TRIM54: variants seen among roughly 807,000 people sequenced by gnomAD.
TRIM54 encodes tripartite motif containing 54.
In TRIM54, 40 loss-of-function variants were observed where a neutral mutation model predicts 42.0. The observed-to-expected ratio is 0.95, with a 90% CI of 0.74 to 1.24. The LOEUF is 1.24. Among genes scored for constraint, TRIM54 ranks in the 50% most tolerant of loss-of-function variants. The pLI, the probability that TRIM54 is intolerant of heterozygous loss-of-function variation, is 0.00. For synonymous variants in TRIM54, 199 were observed against 194.9 expected (o/e 1.02, Z -0.17); for missense variants, 485 against 480.3 (o/e 1.01, Z -0.09).
At position 27,306,246 on chromosome 2, in the gene TRIM54, G is replaced by C; in HGVS notation, c.900G>C (p.Gly300=). Residue 300 remains glycine (G), a synonymous_variant, in exon 7 of 9, where the codon GGG becomes GGC. Coordinates refer to ENST00000380075, the MANE Select transcript of TRIM54 (RefSeq NM_187841.3). This position sits in a 1 kb window ranked among gnomAD's most constrained non-coding sequence, Gnocchi z 6.1. The part of the protein sequence containing the change: ...VGAMSKVELA[G]RPEPGYESME... Reference sequence around the variant, plus strand: ...CCATGTCGAAGGTGGAGCTGGCAGGGCGGCCGGAGCCAGGCTATGAGAGCA... The same window carrying C: ...CCATGTCGAAGGTGGAGCTGGCAGGCCGGCCGGAGCCAGGCTATGAGAGCA... 6.2e-7 allele frequency: 1 copy of C among 1,614,108 alleles called. No individual in the cohort carries two copies. Among genetic ancestry groups the C allele is most frequent in the Admixed American group, 1.7e-5 (1 of 60,026 alleles).
chr2:27,293,023 T>A (rs1678760822), intron 1 of TRIM54, among the ~76,000 whole-genome samples: 1 of 152,244 alleles, frequency 6.6e-6, no homozygotes, highest in African/African-American at 2.4e-5. Context: ...CCAGTTTTGA[T>A]CACTTATATC....
intron 1 of TRIM54, among the ~76,000 whole-genome samples, chr2:27,295,523 G>A (rs555409231): frequency 8.5e-5 from 13 of 152,220 alleles, no homozygotes; most frequent in South Asian, 4.2e-4. Context: ...GGCCAGGCTG[G>A]TCTCGAACTC....
Position 27,306,203 on chromosome 2 carries a change from G to A in TRIM54, c.867-10G>A, listed in dbSNP as rs747294348. The A allele has an allele frequency of 9.9e-6, 16 of 1,613,898 alleles. No homozygotes were observed. Among genetic ancestry groups the A allele is most frequent in the Admixed American group, 1.7e-5 (1 of 60,002 alleles). ...GGGCATTGCCAGCTGAGTCCGTGTG[G>A]CCACTGCAGGGTCGGGGCCATGTCG... is the stretch of plus-strand genomic sequence containing the variant. On this transcript the variant is annotated splice_polypyrimidine_tract_variant and intron_variant, in intron 6 of 8. Transcript: ENST00000380075. This position sits in a 1 kb window ranked among gnomAD's most constrained non-coding sequence, Gnocchi z 6.1.
Position 27,306,485 on chromosome 2 carries a change from C to G in TRIM54, c.1021C>G (p.Pro341Ala), listed in dbSNP as rs1164380528. The G allele has an allele frequency of 3.2e-6, 5 of 1,587,090 alleles. No individual in the cohort carries two copies. The Admixed American group carries it at 9.0e-5, about 29-fold the overall frequency. ...TTCCGGGGAGGAAGAGGAGGTGGCC[C>G]CAGACGGAGAGGAGGGCAGCGCGGG... Reference protein sequence around the residue: ...GASGEEEEVAPDGEEGSAGPE... With the variant: ...GASGEEEEVAADGEEGSAGPE... Residue 341 changes from proline (P) to alanine (A), a missense_variant, in exon 8 of 9, where the codon CCA becomes GCA. Transcript: ENST00000380075. This position sits in a 1 kb window ranked among gnomAD's most constrained non-coding sequence, Gnocchi z 6.1.
chr2:27,304,924 T>A (rs752560989), intron 3 of TRIM54, 35 bp from the exon 4 acceptor site: 1 of 1,600,770 alleles, frequency 6.2e-7, no homozygotes, highest in African/African-American at 1.3e-5. Flanking sequence ...CTAGGCCAGG[T>A]CCCAGCTCTG....
intron 2 of TRIM54, 30 bp from the exon 3 acceptor site, chr2:27,299,215 G>A (rs761270178): frequency 1.2e-6 from 2 of 1,611,142 alleles, no homozygotes; most frequent in East Asian, 2.2e-5. Context: ...CATGCTTAAG[G>A]TCCACCTCCC....
chr2:27,282,866 C>G lies in TRIM54; in HGVS notation c.135C>G (p.Asn45Lys), dbSNP rs763181767. The change falls in exon 1 of 9, where the codon AAC becomes AAG. Residue 45 changes from asparagine (N) to lysine (K), a missense_variant. By Grantham distance (94) the Asn-to-Lys change is moderately conservative. Transcript: ENST00000380075. ...TGGTGATCCTGCCCTGCCAACACAA[C>G]CTGTGCCGCAAATGTGCCAACGACG... ...KPVVILPCQH[N>K]LCRKCANDVF... 2 of 1,613,678 alleles carry G rather than the reference C, an allele frequency of 1.2e-6. No homozygotes were observed. Among genetic ancestry groups the G allele is most frequent in the South Asian group, 2.2e-5 (2 of 91,000 alleles).
At chr2:27,299,458 C>T (rs1678966448) in intron 3 of TRIM54, 42 bp downstream of exon 3, 2 of 1,602,000 alleles carry the variant, frequency 1.2e-6, no homozygotes, top group Non-Finnish European at 1.7e-6. Context: ...GAGATGGGGG[C>T]TTAGGACAGG....
At chr2:27,290,269 C>T (rs1678683731) in intron 1 of TRIM54, among the ~76,000 whole-genome samples, 1 of 152,166 alleles carries the variant, frequency 6.6e-6, no homozygotes, top group Non-Finnish European at 1.5e-5. Flanking sequence ...GGAATATAAT[C>T]ACCAAAATAT....
intron 3 of TRIM54, among the ~76,000 whole-genome samples, chr2:27,302,079 G>A (rs1386819630): frequency 6.6e-6 from 1 of 151,862 alleles, no homozygotes; most frequent in South Asian, 2.1e-4. Context: ...GCTTGAACCC[G>A]GGAGGCGGAG....
chr2:27,300,235 G>T (rs751840602), intron 3 of TRIM54, among the ~76,000 whole-genome samples: 6 of 152,046 alleles, frequency 3.9e-5, no homozygotes, highest in Non-Finnish European at 5.9e-5. Context: ...GCAATGGCAC[G>T]ATCTCGGCTC....
chr2:27,286,941 T>C (rs1288148899), intron 1 of TRIM54, among the ~76,000 whole-genome samples: 2 of 152,230 alleles, frequency 1.3e-5, no homozygotes, highest in African/African-American at 4.8e-5. Flanking sequence ...CCAGGATTTC[T>C]TCAGTCCAAC....
intron 3 of TRIM54, among the ~76,000 whole-genome samples, chr2:27,301,066 A>G (rs1679021721): frequency 6.6e-6 from 1 of 151,738 alleles, no homozygotes. Flanking sequence ...CAAGTTTATT[A>G]GGAAAGTAAA....
intron 3 of TRIM54, among the ~76,000 whole-genome samples, chr2:27,301,022 G>C (rs1030635455): frequency 6.6e-6 from 1 of 151,780 alleles, no homozygotes; most frequent in Admixed American, 6.6e-5. Flanking sequence ...GCGCAAGAAA[G>C]AATTCAGGGC....
intron 1 of TRIM54, among the ~76,000 whole-genome samples, chr2:27,286,399 C>T (rs1383903767): frequency 1.3e-4 from 20 of 152,150 alleles, no homozygotes; most frequent in Non-Finnish European, 1.5e-5. Context: ...GAATGAAACA[C>T]CAAGACACCA....
In TRIM54 at chr2:27,306,070, T is replaced by A; in HGVS notation, c.844-10T>A. 1.2e-6 allele frequency: 2 copies of A among 1,613,770 alleles called. No individual in the cohort carries two copies. The highest frequency in any genetic ancestry group is 1.7e-6 in the Non-Finnish European group (2 of 1,180,012). ...AGTGCTTACTCTCACCCTCCTTTTC[T>A]TCCCTGCAGCAGGCCAAGGAGCTGA... On this transcript the variant is annotated splice_polypyrimidine_tract_variant and intron_variant, in intron 5 of 8. Transcript: ENST00000380075. This position sits in a 1 kb window ranked among gnomAD's most constrained non-coding sequence, Gnocchi z 6.1.
At chr2:27,295,191 G>C (rs1678832286) in intron 1 of TRIM54, among the ~76,000 whole-genome samples, 1 of 151,730 alleles carries the variant, frequency 6.6e-6, no homozygotes, top group Non-Finnish European at 1.5e-5. Flanking sequence ...TGATTCTTGT[G>C]CCTCAGCCTC....
chr2:27,286,984 C>G (rs1678585403), intron 1 of TRIM54, among the ~76,000 whole-genome samples: 1 of 152,160 alleles, frequency 6.6e-6, no homozygotes. Flanking sequence ...AAAATTGGTT[C>G]ACTAAAATTT....
chr2:27,283,014 G>T, intron 1 of TRIM54, 115 bp downstream of exon 1: 1 of 1,222,950 alleles, frequency 8.2e-7, no homozygotes, highest in East Asian at 2.6e-5. Context: ...TGAGGTGGGT[G>T]GTGGCTGTTG....
Sources: gnomAD v4.1 joint callset for allele counts (sites outside exome capture counted in the v4.1 genomes callset) on GRCh38, gnomAD v4.1.1 for gene constraint, Gnocchi (gnomAD v3.1) non-coding constraint, MANE v1.5 for transcripts, NCBI Gene and HGNC (gene_info 2026-07-23, HGNC 2026-07-21) for gene names.